The following RGS6 variants were observed in gnomAD, a reference collection of about 807,000 sequenced individuals.
The protein encoded by RGS6 is regulator of G-protein signaling 6.
A neutral mutation model predicts 78.5 loss-of-function variants in RGS6; 30 were observed. That is an observed-to-expected ratio of 0.38 (90% CI 0.29 to 0.52). RGS6 has a LOEUF of 0.52. Among genes scored for constraint, RGS6 ranks in the 20% least tolerant of loss-of-function variants. The pLI is 0.85. For synonymous variants in RGS6, 206 were observed against 206.0 expected, an observed-to-expected ratio of 1.00 and a Z score of 0.00; for missense variants, 495 against 609.7, an observed-to-expected ratio of 0.81 and a Z score of 1.98.
intron 13 of RGS6, among the ~76,000 whole-genome samples, chr14:72,500,870 T>G (rs1237687283): frequency 1.3e-5 from 2 of 152,140 alleles, no homozygotes; most frequent in East Asian, 3.9e-4. Context: ...AGCATTGAGG[T>G]GACCAGGGAC....
At chr14:71,954,941 G>C (rs1206994468) in intron 1 of RGS6, among the ~76,000 whole-genome samples, 1 of 152,166 alleles carries the variant, frequency 6.6e-6, no homozygotes, top group African/African-American at 2.4e-5. Context: ...TGTCTCTTCA[G>C]AATGTGTTTT....
intron 2 of RGS6, among the ~76,000 whole-genome samples, chr14:72,330,235 A>G (rs1206533080): frequency 1.3e-5 from 2 of 152,254 alleles, no homozygotes; most frequent in African/African-American, 2.4e-5. Context: ...CTGTAAATGC[A>G]TGTACTAAAT....
At chr14:72,222,477 G>T (rs993985090) in intron 2 of RGS6, among the ~76,000 whole-genome samples, 1 of 152,220 alleles carries the variant, frequency 6.6e-6, no homozygotes, top group East Asian at 1.9e-4. Context: ...GTGGGACAGA[G>T]CCAGTTCCCA....
intron 2 of RGS6, among the ~76,000 whole-genome samples, chr14:72,165,778 T>C (rs1388529517): frequency 2.0e-5 from 3 of 152,162 alleles, no homozygotes; most frequent in African/African-American, 7.2e-5. Flanking sequence ...AATCATTCTT[T>C]ATTGTGCCTG....
intron 2 of RGS6, among the ~76,000 whole-genome samples, chr14:72,302,697 C>T (rs2066357106): frequency 6.6e-6 from 1 of 152,096 alleles, no homozygotes; most frequent in Non-Finnish European, 1.5e-5. Flanking sequence ...CACACACACA[C>T]ACACACACGG....
At chr14:71,903,625 A>G in the RGS6 span, among the ~76,000 whole-genome samples, 1 of 152,192 alleles carries the variant, frequency 6.6e-6, no homozygotes, top group Non-Finnish European at 1.5e-5. Flanking sequence ...ACGAAGAGAC[A>G]GAGTAGAGGG....
the RGS6 span, among the ~76,000 whole-genome samples, chr14:72,600,889 C>A: frequency 1.9e-4 from 29 of 152,202 alleles, no homozygotes; most frequent in East Asian, 5.6e-3. Flanking sequence ...CCCTGCACCT[C>A]CCACTTGACT....
At chr14:72,093,446 G>A (rs191135033) in intron 2 of RGS6, among the ~76,000 whole-genome samples, 260 of 152,256 alleles carry the variant, frequency 1.7e-3, no homozygotes, top group Middle Eastern at 6.8e-3. Context: ...GGTTTCACAT[G>A]TCGACCAGGG....
At chr14:71,947,565 G>A (rs1409859545) in intron 1 of RGS6, among the ~76,000 whole-genome samples, 1 of 152,080 alleles carries the variant, frequency 6.6e-6, no homozygotes. Flanking sequence ...GCTCCCTGCA[G>A]CCTTGACCTC....
In RGS6 at chr14:72,111,029, T is replaced by C. The variant is rs538576442; in HGVS notation, c.84+146154T>C. 1.1e-4 allele frequency among the ~76,000 whole-genome samples: 17 copies of C among 152,312 alleles called. No homozygotes were observed. The South Asian group carries it at 3.5e-3, about 32-fold the overall frequency. Reference sequence around the variant, plus strand: ...CTTTAACCTATTGGCTTTTTCTCATTGTTCCTCAAATCAAATCTGAACTCC... The same window carrying C: ...CTTTAACCTATTGGCTTTTTCTCATCGTTCCTCAAATCAAATCTGAACTCC... On this transcript the variant is annotated intron_variant, in intron 2 of 17. Coordinates refer to ENST00000553525, the MANE Select transcript of RGS6 (RefSeq NM_001204424.2).
intron 2 of RGS6, among the ~76,000 whole-genome samples, chr14:72,108,004 A>T (rs1235761150): frequency 1.3e-5 from 2 of 152,224 alleles, no homozygotes; most frequent in Non-Finnish European, 2.9e-5. Flanking sequence ...ACTCTCTTCC[A>T]TTTAACCCCC....
chr14:72,298,614 A>AT (rs562789433), intron 2 of RGS6, among the ~76,000 whole-genome samples: 1 of 151,230 alleles, frequency 6.6e-6, no homozygotes, highest in Non-Finnish European at 1.5e-5. Context: ...CATCCGGCTA[A>AT]TTTTTTTGTA....
At chr14:72,132,370 G>A (rs911912538) in intron 2 of RGS6, among the ~76,000 whole-genome samples, 1 of 151,088 alleles carries the variant, frequency 6.6e-6, no homozygotes, top group East Asian at 1.9e-4. Flanking sequence ...TCCACCTCCT[G>A]GGTTCAGGTG....
At chr14:72,277,903 G>A (rs1412822693) in intron 2 of RGS6, among the ~76,000 whole-genome samples, 1 of 152,108 alleles carries the variant, frequency 6.6e-6, no homozygotes, top group Non-Finnish European at 1.5e-5. Flanking sequence ...ACTCCAGCCT[G>A]GACGACAACG....
intron 3 of RGS6, among the ~76,000 whole-genome samples, chr14:72,423,292 C>T (rs959664633): frequency 6.6e-6 from 1 of 152,200 alleles, no homozygotes; most frequent in East Asian, 1.9e-4. Context: ...TATGTCCCCC[C>T]ACCCCATGTC....
chr14:72,236,667 C>G (rs1325096530), intron 2 of RGS6, among the ~76,000 whole-genome samples: 1 of 152,128 alleles, frequency 6.6e-6, no homozygotes, highest in African/African-American at 2.4e-5. Context: ...CCTCACATCC[C>G]AGACGGTGGA....
rs28498339 is a variant in RGS6, at chr14:72,536,817, C to T, written c.1368+542C>T. Among the ~76,000 whole-genome samples the T allele has an allele frequency of 8.4e-3, 1,272 of 152,246 alleles. 14 individuals are homozygous for T. Among genetic ancestry groups the T allele is most frequent in the African/African-American group, 0.029 (1,216 of 41,532 alleles). Reference sequence around the variant, plus strand: ...CCTCCTTGACACCCCCTTCCTCTCCCGCACCTGCCCCACGGTGTTGCCTTT... The same window carrying T: ...CCTCCTTGACACCCCCTTCCTCTCCTGCACCTGCCCCACGGTGTTGCCTTT... On this transcript the variant is annotated intron_variant, in intron 16 of 17. Transcript: ENST00000553525.
intron 2 of RGS6, among the ~76,000 whole-genome samples, chr14:72,323,761 A>G (rs1332871564): frequency 1.6e-5 from 2 of 124,522 alleles, no homozygotes; most frequent in African/African-American, 6.1e-5. Context: ...CAGCGGCGCC[A>G]CTGCACTCCA....
chr14:72,393,259 T>A (rs1566716280), intron 3 of RGS6, among the ~76,000 whole-genome samples: 1 of 152,196 alleles, frequency 6.6e-6, no homozygotes, highest in Non-Finnish European at 1.5e-5. Context: ...TATTCTGTGA[T>A]GTAAGGTGGA....
Sources: gnomAD v4.1 joint callset for allele counts (sites outside exome capture counted in the v4.1 genomes callset) on GRCh38, gnomAD v4.1.1 for gene constraint, MANE v1.5 for transcripts, NCBI Gene and HGNC (gene_info 2026-07-23, HGNC 2026-07-21) for gene names.